ANK2: variants seen among roughly 807,000 people sequenced by gnomAD.
The protein encoded by ANK2 is ankyrin-2.
A neutral mutation model predicts 360.5 loss-of-function variants in ANK2; 83 were observed. That is an observed-to-expected ratio of 0.23 (90% CI 0.19 to 0.28). The LOEUF (loss-of-function observed/expected upper bound fraction) is 0.28. ANK2 is among the 10% of genes least tolerant of loss of function. ANK2 has a pLI of 1.00. For synonymous variants in ANK2, 1,740 were observed against 1,759.5 expected (o/e 0.99, Z 0.28); for missense variants, 4,201 against 4,795.7 (o/e 0.88, Z 3.66).
At chr4:113,378,022 A>T in intron 45 of ANK2, 1 of 712,668 alleles carries the variant, frequency 1.4e-6, no homozygotes, top group Non-Finnish European at 2.0e-6. Flanking sequence ...GAGTAAAGCA[A>T]AGCAATAGAT....
intron 1 of ANK2, among the ~76,000 whole-genome samples, chr4:113,063,203 A>G (rs2074257773): frequency 6.6e-6 from 1 of 152,122 alleles, no homozygotes; most frequent in Non-Finnish European, 1.5e-5. Context: ...TAATGGAAAA[A>G]GTTACCACCA....
At chr4:113,174,339 A>G in intron 1 of ANK2, 77 bp from the exon 2 acceptor site, 3 of 1,252,176 alleles carry the variant, frequency 2.4e-6, no homozygotes, top group Non-Finnish European at 3.4e-6. Flanking sequence ...CTTCAGTGTA[A>G]ACATTCTTGT....
intron 5 of ANK2, among the ~76,000 whole-genome samples, chr4:113,235,186 A>G (rs1456894997): frequency 2.6e-5 from 4 of 152,202 alleles, no homozygotes; most frequent in Non-Finnish European, 5.9e-5. Flanking sequence ...GCAGGAGGTA[A>G]TACATTTAAA....
At chr4:113,251,695 G>A (rs2046516589) in intron 10 of ANK2, among the ~76,000 whole-genome samples, 1 of 151,730 alleles carries the variant, frequency 6.6e-6, no homozygotes, top group Non-Finnish European at 1.5e-5. Flanking sequence ...TGTTAGCCAG[G>A]ATGGTCTTGA....
At chr4:112,959,761 A>C (rs1187114669) in intron 2 of ANK2, among the ~76,000 whole-genome samples, 1 of 152,192 alleles carries the variant, frequency 6.6e-6, no homozygotes, top group African/African-American at 2.4e-5. Context: ...GAAGTACAAG[A>C]AATGTGAGCT....
the ANK2 span, among the ~76,000 whole-genome samples, chr4:112,708,080 G>C: frequency 6.6e-6 from 1 of 152,212 alleles, no homozygotes; most frequent in South Asian, 2.1e-4. Flanking sequence ...CAGAAGTACT[G>C]ACAACCTCTG....
At chr4:112,741,214 G>T in the ANK2 span, among the ~76,000 whole-genome samples, 2 of 152,088 alleles carry the variant, frequency 1.3e-5, no homozygotes, top group African/African-American at 4.8e-5. Flanking sequence ...GCTTCTATAT[G>T]CAGAGATCCA....
chr4:113,237,643 CA>C lies in ANK2; in HGVS notation c.693+25del. 3 of 1,585,374 alleles carry C rather than the reference CA, an allele frequency of 1.9e-6. No homozygotes were observed. The Admixed American group carries it at 5.0e-5, about 26-fold the overall frequency. ...CTGAGGTACAGTATTGTGGTTATACCAAAATTTACCTTGTCTTTATTTTTAG... is the reference window on the plus strand; with the variant it reads ...CTGAGGTACAGTATTGTGGTTATACCAAATTTACCTTGTCTTTATTTTTAG... On this transcript the variant is annotated intron_variant, in intron 7 of 45. Transcript: ENST00000357077.
intron 9 of ANK2, among the ~76,000 whole-genome samples, chr4:113,245,698 T>A (rs2042480073): frequency 6.6e-6 from 1 of 152,224 alleles, no homozygotes; most frequent in Non-Finnish European, 1.5e-5. Flanking sequence ...GAATTCAAGA[T>A]GAGATTTAGG....
chr4:113,042,075 T>C (rs2063096654), intron 2 of ANK2, among the ~76,000 whole-genome samples: 1 of 152,180 alleles, frequency 6.6e-6, no homozygotes, highest in Non-Finnish European at 1.5e-5. Flanking sequence ...AGCGTTTGAA[T>C]CAGTCAACTG....
Position 113,358,421 on chromosome 4 carries a change from A to C in ANK2, c.9803A>C (p.Asp3268Ala). The C allele has an allele frequency of 6.2e-7, 1 of 1,614,094 alleles. No individual in the cohort carries two copies. Residue 3268 changes from aspartate to alanine, a missense_variant, in exon 38 of 46, where the codon GAT becomes GCT. Asp to Ala is a moderately radical substitution (Grantham distance 126). Transcript: ENST00000357077. ...FSTLTRSVYSDRGDDSPDSSP... is the reference protein window; with the variant it reads ...FSTLTRSVYSARGDDSPDSSP... ...ACACTCACCAGGTCTGTTTATTCAG[A>C]TAGGGGTGATGATTCTCCCGATTCT...
At chr4:112,847,331 T>C (rs1282866885) in intron 1 of ANK2, among the ~76,000 whole-genome samples, 1 of 152,246 alleles carries the variant, frequency 6.6e-6, no homozygotes, top group Non-Finnish European at 1.5e-5. Flanking sequence ...AGTGGTATTG[T>C]TACTCAGTTG....
In ANK2 at chr4:113,008,966, G is replaced by C. The variant is rs756079507; in HGVS notation, c.21+104452G>C. On this transcript the variant is annotated intron_variant, in intron 2 of 30. Transcript: ENST00000503271. ...CAGCTGCTGATCAGCTGCTTCACTC[G>C]TGGGGCCTCAGAGAAAGAATTTAAT... Among the ~76,000 whole-genome samples the C allele has an allele frequency of 2.6e-5, 4 of 152,212 alleles. No homozygotes were observed. In the East Asian group the frequency reaches 5.8e-4, roughly 22 times the overall value.
intron 45 of ANK2, among the ~76,000 whole-genome samples, chr4:113,378,677 A>G (rs2097053448): frequency 6.6e-6 from 1 of 152,244 alleles, no homozygotes; most frequent in Non-Finnish European, 1.5e-5. Context: ...TATCCATGAA[A>G]CAAATATACC....
chr4:113,163,014 T>TTAGA (rs1176155954), intron 1 of ANK2, among the ~76,000 whole-genome samples: 2 of 152,198 alleles, frequency 1.3e-5, no homozygotes, highest in African/African-American at 4.8e-5. Context: ...GTTTACATAT[T>TTAGA]TAGATAGATA....
At chr4:113,337,406 T>C (rs537685443) in intron 31 of ANK2, among the ~76,000 whole-genome samples, 3 of 152,290 alleles carry the variant, frequency 2.0e-5, no homozygotes, top group Non-Finnish European at 2.9e-5. Context: ...TCCCAGAACG[T>C]TGGTAGTCTC....
chr4:112,877,530 C>G (rs540412912), intron 1 of ANK2, among the ~76,000 whole-genome samples: 1 of 152,268 alleles, frequency 6.6e-6, no homozygotes, highest in African/African-American at 2.4e-5. Context: ...TCTCTCTTTT[C>G]TTGCTCAGTC....
chr4:113,081,722 A>G (rs574465845), intron 1 of ANK2, among the ~76,000 whole-genome samples: 5 of 152,276 alleles, frequency 3.3e-5, no homozygotes, highest in African/African-American at 9.6e-5. Context: ...CTTTACTTAA[A>G]TGCTTATATA....
At chr4:112,809,968 A>G in the ANK2 span, among the ~76,000 whole-genome samples, 1 of 151,862 alleles carries the variant, frequency 6.6e-6, no homozygotes, top group African/African-American at 2.4e-5. Flanking sequence ...AATAGAGAGT[A>G]TAACAAATAC....
Sources: allele counts gnomAD v4.1 joint callset (sites outside exome capture counted in the v4.1 genomes callset), GRCh38; gene constraint gnomAD v4.1.1; transcripts MANE v1.5; gene names NCBI Gene and HGNC (gene_info 2026-07-23, HGNC 2026-07-21).